The following DACH2 variants were observed in gnomAD, a reference collection of about 807,000 sequenced individuals.
DACH2 encodes dachshund family transcription factor 2.
In DACH2, 17 loss-of-function variants were observed where a neutral mutation model predicts 35.8. The observed-to-expected ratio is 0.48, with a 90% CI of 0.33 to 0.71. DACH2 has a LOEUF of 0.71. DACH2 is among the 30% of genes least tolerant of loss of function. The probability of loss-of-function intolerance (pLI) is 0.02; values close to 1 mark genes in which losing one functional copy is unlikely to be tolerated. For synonymous variants in DACH2, 195 were observed against 177.3 expected (o/e 1.10, Z -0.79); for missense variants, 469 against 472.7 (o/e 0.99, Z 0.07).
chrX:86,806,252 T>C (rs2042343778), intron 7 of DACH2, among the ~76,000 whole-genome samples: 1 of 110,633 alleles, frequency 9.0e-6, no homozygotes, highest in African/African-American at 3.3e-5. Flanking sequence ...TCAATCATGG[T>C]AGAAGGCAAA....
intron 5 of DACH2, among the ~76,000 whole-genome samples, chrX:86,701,311 T>A (rs2041139710): frequency 9.0e-6 from 1 of 111,361 alleles, no homozygotes; most frequent in South Asian, 3.8e-4. Flanking sequence ...AAATTGAAGA[T>A]CCCTTCATGT....
chrX:86,405,608 G>A, intron 2 of DACH2, among the ~76,000 whole-genome samples: 1 of 111,396 alleles, frequency 9.0e-6, no homozygotes, highest in East Asian at 2.8e-4. Flanking sequence ...TCTCTAGGAA[G>A]TTCCAAACTT....
At chrX:86,483,724 T>C (rs149071991) in intron 2 of DACH2, among the ~76,000 whole-genome samples, 203 of 110,804 alleles carry the variant, frequency 1.8e-3, no homozygotes, top group African/African-American at 6.5e-3. Context: ...TCCCAGCTAC[T>C]TGGGAGTTGA....
chrX:86,777,144 A>G (rs747795017), intron 7 of DACH2, among the ~76,000 whole-genome samples: 1 of 111,383 alleles, frequency 9.0e-6, no homozygotes, highest in African/African-American at 3.3e-5. Flanking sequence ...CTAGTTCTAC[A>G]TCCTTGAGGA....
intron 2 of DACH2, among the ~76,000 whole-genome samples, chrX:86,411,036 A>ATATATATATATATG (rs768655432): frequency 2.5e-5 from 2 of 79,940 alleles, no homozygotes; most frequent in African/African-American, 8.7e-5. Context: ...ATATATATAT[A>ATATATATATATATG]TATGTATATA....
At chrX:86,154,577 T>G (rs1392233225) in intron 1 of DACH2, among the ~76,000 whole-genome samples, 1 of 111,645 alleles carries the variant, frequency 9.0e-6, no homozygotes, top group African/African-American at 3.2e-5. Context: ...AGCCTGATTG[T>G]GGAACTGCAT....
intron 4 of DACH2, among the ~76,000 whole-genome samples, chrX:86,687,604 G>A (rs1399988406): frequency 1.8e-5 from 2 of 111,296 alleles, no homozygotes; most frequent in Non-Finnish European, 3.8e-5. Context: ...TATGTTTATC[G>A]TGGCACTATT....
chrX:86,494,979 G>T (rs1316515978), intron 2 of DACH2, among the ~76,000 whole-genome samples: 3 of 111,819 alleles, frequency 2.7e-5, no homozygotes, highest in Non-Finnish European at 5.6e-5. Flanking sequence ...ACCCAATATA[G>T]CCAAAATATC....
At chrX:86,422,894 C>A (rs2036828733) in intron 2 of DACH2, among the ~76,000 whole-genome samples, 1 of 111,015 alleles carries the variant, frequency 9.0e-6, no homozygotes, top group South Asian at 3.7e-4. Context: ...GATTTTAAGA[C>A]CCTACAAATA....
At chrX:86,357,547 T>C (rs1334508259) in intron 1 of DACH2, among the ~76,000 whole-genome samples, 1 of 112,498 alleles carries the variant, frequency 8.9e-6, no homozygotes, top group Non-Finnish European at 1.9e-5. Context: ...ACAAAGGTAA[T>C]GTTTTTTATC....
At chrX:86,298,094 A>T (rs938808926) in intron 1 of DACH2, among the ~76,000 whole-genome samples, 1 of 111,858 alleles carries the variant, frequency 8.9e-6, no homozygotes. Flanking sequence ...TAATATGAGG[A>T]TATAATGTGG....
intron 1 of DACH2, among the ~76,000 whole-genome samples, chrX:86,318,451 G>T (rs573994406): frequency 3.6e-5 from 4 of 111,467 alleles, no homozygotes; most frequent in African/African-American, 1.3e-4. Context: ...GATAAAAATT[G>T]TCTGTAAATG....
At chrX:86,549,733 T>C (rs1318077510) in intron 3 of DACH2, among the ~76,000 whole-genome samples, 1 of 111,153 alleles carries the variant, frequency 9.0e-6, no homozygotes, top group Non-Finnish European at 1.9e-5. Context: ...CATCTGACAT[T>C]ACTGGTGTAT....
intron 2 of DACH2, among the ~76,000 whole-genome samples, chrX:86,377,616 T>G (rs953094317): frequency 9.1e-6 from 1 of 110,326 alleles, no homozygotes; most frequent in Non-Finnish European, 1.9e-5. Flanking sequence ...TTCCTGTCAG[T>G]AGTGCCCCTC....
chrX:86,421,684 A>G (rs374300928), intron 2 of DACH2, among the ~76,000 whole-genome samples: 1 of 111,616 alleles, frequency 9.0e-6, no homozygotes, highest in East Asian at 2.8e-4. Context: ...TAATTTTAAA[A>G]ACCTTTTGTA....
chrX:86,297,053 A>G (rs866814423), intron 1 of DACH2, among the ~76,000 whole-genome samples: 1,344 of 97,786 alleles, frequency 0.014, 18 homozygotes, highest in African/African-American at 0.046. Flanking sequence ...GTATATATAT[A>G]TATATATATA....
chrX:86,335,715 C>G, intron 1 of DACH2, among the ~76,000 whole-genome samples: 1 of 111,831 alleles, frequency 8.9e-6, no homozygotes, highest in East Asian at 2.8e-4. Flanking sequence ...TTGACTTCCT[C>G]TCTTCCTATT....
intron 1 of DACH2, among the ~76,000 whole-genome samples, chrX:86,275,738 A>G (rs1158718448): frequency 9.0e-6 from 1 of 110,571 alleles, no homozygotes; most frequent in Non-Finnish European, 1.9e-5. Flanking sequence ...CCATCCTTCT[A>G]CTCTCTGTAT....
At chrX:86,501,838 C>A (rs756364146) in intron 2 of DACH2, among the ~76,000 whole-genome samples, 1 of 111,461 alleles carries the variant, frequency 9.0e-6, no homozygotes, top group East Asian at 2.8e-4. Context: ...GGTAACCCTG[C>A]CACCTGTTAA....
Sources: gnomAD v4.1 joint callset for allele counts (sites outside exome capture counted in the v4.1 genomes callset) on GRCh38, gnomAD v4.1.1 for gene constraint, MANE v1.5 for transcripts, NCBI Gene and HGNC (gene_info 2026-07-23, HGNC 2026-07-21) for gene names.